Variants in ADAMTS20 observed in about 807,000 individuals in gnomAD.
The protein encoded by ADAMTS20 is A disintegrin and metalloproteinase with thrombospondin motifs 20.
ADAMTS20 carries 225 observed loss-of-function variants against 260.1 expected under a neutral mutation model. The ratio of observed to expected loss-of-function variants is 0.87; its 90% confidence interval spans 0.78 to 0.97. ADAMTS20 has a LOEUF of 0.97. ADAMTS20 is among the 50% of genes least tolerant of loss of function. The probability of loss-of-function intolerance (pLI) is 0.00; values close to 1 mark genes in which losing one functional copy is unlikely to be tolerated. For synonymous variants in ADAMTS20, 802 were observed against 769.5 expected (o/e 1.04, Z -0.70); for missense variants, 2,400 against 2,337.7 (o/e 1.03, Z -0.55).
Position 43,432,497 on chromosome 12 carries a change from A to C in ADAMTS20, c.2932-29T>G, listed in dbSNP as rs747135613. The C allele has an allele frequency of 6.8e-5, 108 of 1,594,386 alleles. No homozygotes were observed. In the Admixed American group the frequency reaches 1.5e-3, roughly 22 times the overall value. Reference sequence around the variant, plus strand: ...ATTAAAAAAAAAAAAGTGGTAACTAATGGAAAAAAATCAGATTTTCAACAA... The same window carrying C: ...ATTAAAAAAAAAAAAGTGGTAACTACTGGAAAAAAATCAGATTTTCAACAA... On this transcript the variant is annotated intron_variant, in intron 20 of 38. Transcript: ENST00000389420.
At chr12:43,537,879 T>G (rs925724411) in intron 2 of ADAMTS20, among the ~76,000 whole-genome samples, 6 of 152,230 alleles carry the variant, frequency 3.9e-5, no homozygotes, top group African/African-American at 1.2e-4. Context: ...AGTACTCCAT[T>G]GAGTATATGT....
At chr12:43,432,500 GA>G (rs755325374) in intron 20 of ADAMTS20, 32 bp from the exon 21 acceptor site, 1 of 1,589,618 alleles carries the variant, frequency 6.3e-7, no homozygotes, top group Non-Finnish European at 8.5e-7. Flanking sequence ...GTAACTAATG[GA>G]AAAAAATCAG....
intron 14 of ADAMTS20, among the ~76,000 whole-genome samples, chr12:43,449,146 A>T (rs748914325): frequency 6.6e-6 from 1 of 152,140 alleles, no homozygotes; most frequent in African/African-American, 2.4e-5. Flanking sequence ...ATATACCCAA[A>T]GGAATATAAG....
chr12:43,475,946 T>G (rs969906503), intron 7 of ADAMTS20, among the ~76,000 whole-genome samples: 4 of 132,796 alleles, frequency 3.0e-5, no homozygotes, highest in African/African-American at 1.2e-4. Context: ...AAGGACTTCA[T>G]GTCCAAAACA....
intron 29 of ADAMTS20, among the ~76,000 whole-genome samples, chr12:43,391,744 T>C (rs556118827): frequency 6.6e-6 from 1 of 152,230 alleles, no homozygotes; most frequent in South Asian, 2.1e-4. Context: ...ACTAATTTCC[T>C]TTTCACAACA....
At chr12:43,539,353 T>A (rs1044676290) in intron 2 of ADAMTS20, among the ~76,000 whole-genome samples, 7 of 152,230 alleles carry the variant, frequency 4.6e-5, no homozygotes, top group African/African-American at 1.7e-4. Context: ...TTAGACACCC[T>A]TATATAGTGT....
intron 3 of ADAMTS20, among the ~76,000 whole-genome samples, chr12:43,529,284 A>C (rs79150073): frequency 0.024 from 3,605 of 152,284 alleles, 66 homozygotes; most frequent in East Asian, 0.079. Flanking sequence ...CGATTGATCC[A>C]GCTAATATGA....
At chr12:43,455,840 C>G (rs191398812) in intron 11 of ADAMTS20, among the ~76,000 whole-genome samples, 1 of 152,160 alleles carries the variant, frequency 6.6e-6, no homozygotes, top group East Asian at 1.9e-4. Flanking sequence ...TCCTGAGTAG[C>G]TGGGACTACA....
Position 43,428,753 on chromosome 12 carries a change from C to G in ADAMTS20, c.3536G>C (p.Cys1179Ser). The G allele has an allele frequency of 6.2e-7, 1 of 1,611,070 alleles. No homozygotes were observed. The highest frequency in any genetic ancestry group is 1.1e-5 in the South Asian group (1 of 90,774). ...TGCTATTCTATCAAGAGCATCACGA[C>G]AGCTTACATAGCGGGCTTGAGTACC... Reference protein sequence around the residue: ...GRGTQARYVSCRDALDRIADE... With the variant: ...GRGTQARYVSSRDALDRIADE... The change falls in exon 25 of 39, where the codon TGT becomes TCT. Residue 1179 changes from cysteine (C) to serine (S), a missense_variant. Coordinates refer to ENST00000389420, the MANE Select transcript of ADAMTS20 (RefSeq NM_025003.5).
At chr12:43,373,525 A>G (rs11613405) in intron 36 of ADAMTS20, among the ~76,000 whole-genome samples, 3,415 of 152,226 alleles carry the variant, frequency 0.022, 58 homozygotes, top group East Asian at 0.085. Flanking sequence ...CACAAAAAAA[A>G]TCTCAAAATG....
At chr12:43,504,715 A>G (rs894723596) in intron 3 of ADAMTS20, among the ~76,000 whole-genome samples, 2 of 152,234 alleles carry the variant, frequency 1.3e-5, no homozygotes, top group Non-Finnish European at 2.9e-5. Context: ...ATAGCACCTC[A>G]TAAAGCTTAC....
intron 3 of ADAMTS20, among the ~76,000 whole-genome samples, chr12:43,521,704 AT>A (rs1002290008): frequency 4.0e-5 from 6 of 151,722 alleles, no homozygotes; most frequent in East Asian, 1.9e-4. Context: ...TCTGCTTTAA[AT>A]TTTTTTTTGT....
At chr12:43,529,292 T>C (rs556163873) in intron 3 of ADAMTS20, among the ~76,000 whole-genome samples, 1 of 152,124 alleles carries the variant, frequency 6.6e-6, no homozygotes, top group African/African-American at 2.4e-5. Context: ...CCAGCTAATA[T>C]GATGACTGGG....
intron 28 of ADAMTS20, among the ~76,000 whole-genome samples, chr12:43,404,152 T>C (rs1940867132): frequency 1.3e-5 from 2 of 149,920 alleles, no homozygotes; most frequent in Non-Finnish European, 1.5e-5. Flanking sequence ...GACTATAAAA[T>C]CTGCTGAGAA....
At chr12:43,408,154 A>G (rs774945955) in intron 28 of ADAMTS20, among the ~76,000 whole-genome samples, 2 of 152,146 alleles carry the variant, frequency 1.3e-5, no homozygotes, top group African/African-American at 2.4e-5. Context: ...CTTTTTCTTA[A>G]TGTTTTTACA....
chr12:43,395,244 C>T (rs1940675057), intron 29 of ADAMTS20, among the ~76,000 whole-genome samples: 1 of 152,126 alleles, frequency 6.6e-6, no homozygotes, highest in Admixed American at 6.6e-5. Flanking sequence ...GTAGAAATGT[C>T]ACTGAATACC....
intron 3 of ADAMTS20, among the ~76,000 whole-genome samples, chr12:43,514,810 T>C (rs909237406): frequency 5.9e-5 from 9 of 152,280 alleles, no homozygotes; most frequent in Middle Eastern, 3.4e-3. Context: ...CATTTGAACA[T>C]GTAAATGAAA....
chr12:43,474,015 C>G (rs1172277755), intron 7 of ADAMTS20, among the ~76,000 whole-genome samples: 1 of 150,196 alleles, frequency 6.7e-6, no homozygotes, highest in Non-Finnish European at 1.5e-5. Context: ...AATAGAGACA[C>G]AAAAAACCCT....
intron 28 of ADAMTS20, among the ~76,000 whole-genome samples, chr12:43,411,249 T>C (rs924364059): frequency 2.0e-5 from 3 of 152,208 alleles, no homozygotes; most frequent in Non-Finnish European, 4.4e-5. Context: ...AGTTTTATAT[T>C]GCCTCTTTTA....
Sources: allele counts gnomAD v4.1 joint callset (sites outside exome capture counted in the v4.1 genomes callset), GRCh38; gene constraint gnomAD v4.1.1; transcripts MANE v1.5; gene names NCBI Gene and HGNC (gene_info 2026-07-23, HGNC 2026-07-21).